Variants in C4orf36 observed in about 807,000 individuals in gnomAD.
C4orf36 encodes the protein chromosome 4 open reading frame 36, also known as uncharacterized protein C4orf36.
A neutral mutation model predicts 12.2 loss-of-function variants in C4orf36; 11 were observed. That is an observed-to-expected ratio of 0.90 (90% confidence interval 0.57 to 1.49). The LOEUF is 1.49. Ranked by LOEUF, C4orf36 falls within the 40% of genes most tolerant of loss-of-function variation. The pLI is 0.00. For missense variants in C4orf36, 137 were observed against 133.9 expected, an observed-to-expected ratio of 1.02 and a Z score of -0.11; for synonymous variants, 54 against 51.3, an observed-to-expected ratio of 1.05 and a Z score of -0.22.
intron 2 of C4orf36, 81 bp downstream of exon 2, chr4:86,891,375 G>A (rs564125263): frequency 3.9e-6 from 5 of 1,294,870 alleles, no homozygotes; most frequent in Middle Eastern, 1.8e-4. Flanking sequence ...AGCACAGAGT[G>A]TCCAGTCCTT....
chr4:86,935,479 A>G, the C4orf36 span: 1 of 152,560 alleles, frequency 6.6e-6, no homozygotes. Flanking sequence ...GTAGAAAAAC[A>G]GGGGACGGGG....
At chr4:86,878,051 T>C (rs1309902623) in intron 4 of C4orf36, among the ~76,000 whole-genome samples, 2 of 152,116 alleles carry the variant, frequency 1.3e-5, no homozygotes, top group Non-Finnish European at 2.9e-5. Context: ...TCTTGCATGT[T>C]TGAAATTTTC....
At chr4:86,900,997 T>C in the C4orf36 span, among the ~76,000 whole-genome samples, 3 of 151,912 alleles carry the variant, frequency 2.0e-5, no homozygotes, top group African/African-American at 7.3e-5. Context: ...TTTTTTTTTT[T>C]TTTTTGACAT....
At chr4:86,894,149 G>C (rs796744807), upstream of C4orf36, among the ~76,000 whole-genome samples, 1 of 151,970 alleles carries the variant, frequency 6.6e-6, no homozygotes, top group Non-Finnish European at 1.5e-5. Flanking sequence ...CGCCCACCTC[G>C]GCCTCCCAAA....
chr4:86,905,865 C>A, the C4orf36 span, among the ~76,000 whole-genome samples: 2 of 152,246 alleles, frequency 1.3e-5, no homozygotes, highest in Non-Finnish European at 2.9e-5. Flanking sequence ...CAGGCACCCA[C>A]CATCACGCCC....
At chr4:86,891,926 T>C in intron 1 of C4orf36, 1 of 916,794 alleles carries the variant, frequency 1.1e-6, no homozygotes, top group Non-Finnish European at 1.3e-6. Context: ...CCAAAGGCTC[T>C]GCCTGCACAG....
At position 86,889,045 on chromosome 4, in the gene C4orf36, A is replaced by T. The variant is rs530602378; in HGVS notation, c.66-770T>A. On this transcript the variant is annotated intron_variant, in intron 2 of 4. Transcript: ENST00000295898. Reference sequence around the variant, plus strand: ...AAGTGTTGAAGTGTCATTCGTTTAAACAAACAAACAAAAAAACATGGAGGC... The same window carrying T: ...AAGTGTTGAAGTGTCATTCGTTTAATCAAACAAACAAAAAAACATGGAGGC... 2.4e-4 allele frequency among the ~76,000 whole-genome samples: 37 copies of T among 151,554 alleles called. No homozygotes were observed. In the South Asian group the frequency reaches 7.1e-3, roughly 29 times the overall value.
the C4orf36 span, chr4:86,933,059 T>C: frequency 6.6e-6 from 1 of 152,190 alleles, no homozygotes; most frequent in African/African-American, 2.4e-5. Flanking sequence ...AAAGTAGATA[T>C]AGTGTAATCA....
At chr4:86,878,411 A>G (rs901933846) in intron 4 of C4orf36, among the ~76,000 whole-genome samples, 1 of 152,358 alleles carries the variant, frequency 6.6e-6, no homozygotes, top group Non-Finnish European at 1.5e-5. Context: ...TTGCAGAGTG[A>G]TATCAGTAAG....
the C4orf36 span, among the ~76,000 whole-genome samples, chr4:86,922,258 A>G: frequency 6.6e-6 from 1 of 152,238 alleles, no homozygotes; most frequent in South Asian, 2.1e-4. Flanking sequence ...TTAGTTTTCT[A>G]CAACTTTCAG....
upstream of C4orf36, among the ~76,000 whole-genome samples, chr4:86,896,684 T>C (rs1747596996): frequency 6.6e-6 from 1 of 152,220 alleles, no homozygotes; most frequent in South Asian, 2.1e-4. Context: ...TTCTCACTAA[T>C]GTAACTATCA....
the C4orf36 span, among the ~76,000 whole-genome samples, chr4:86,908,329 G>C: frequency 6.6e-6 from 1 of 152,150 alleles, no homozygotes; most frequent in South Asian, 2.1e-4. Context: ...TGAGTGAACT[G>C]CTGAGTAGAT....
the C4orf36 span, chr4:86,924,663 T>G: frequency 6.6e-6 from 1 of 152,188 alleles, no homozygotes; most frequent in African/African-American, 2.4e-5. Context: ...CTTAAAGCAG[T>G]ATGAATTTCT....
At chr4:86,906,145 C>T in the C4orf36 span, among the ~76,000 whole-genome samples, 1 of 152,160 alleles carries the variant, frequency 6.6e-6, no homozygotes, top group Non-Finnish European at 1.5e-5. Flanking sequence ...ACCTTCAGAA[C>T]TCAGCCATTT....
In C4orf36 at chr4:86,876,434, G is replaced by A; in HGVS notation, c.*12C>T. The A allele has an allele frequency of 1.2e-6, 2 of 1,613,412 alleles. No homozygotes were observed. The highest frequency in any genetic ancestry group is 2.2e-5 in the East Asian group (1 of 44,864). The stretch of plus-strand genomic sequence containing the variant: ...TGCTGAGTTTCTTCATCTACAATCC[G>A]CGCTTCAGGCTGCGCAAAGGAGAGG... On this transcript the variant is annotated 3_prime_UTR_variant, in exon 5 of 5. Coordinates refer to ENST00000295898, the MANE Select transcript of C4orf36 (RefSeq NM_144645.4).
At chr4:86,919,119 G>GGAGAGAGAGAGAGAGAGAGA in the C4orf36 span, among the ~76,000 whole-genome samples, 27 of 145,350 alleles carry the variant, frequency 1.9e-4, no homozygotes, top group African/African-American at 6.7e-4. Flanking sequence ...CCCAGCTCCA[G>GGAGAGAGAGAGAGAGAGAGA]GAGAGAGAGA....
the C4orf36 span, among the ~76,000 whole-genome samples, chr4:86,908,032 G>T: frequency 6.6e-6 from 1 of 151,892 alleles, no homozygotes; most frequent in African/African-American, 2.4e-5. Context: ...CCAGTGGGAG[G>T]GCCACAACAC....
chr4:86,907,450 A>G, the C4orf36 span, among the ~76,000 whole-genome samples: 2 of 152,310 alleles, frequency 1.3e-5, no homozygotes, highest in African/African-American at 2.4e-5. Context: ...CCAAACCCCC[A>G]TGACACATGT....
the C4orf36 span, among the ~76,000 whole-genome samples, chr4:86,921,059 AGAGGCT>A: frequency 6.6e-6 from 1 of 151,836 alleles, no homozygotes; most frequent in Admixed American, 6.6e-5. Flanking sequence ...CAGCTACTCC[AGAGGCT>A]GAGGCAGGAT....
Sources: allele counts gnomAD v4.1 joint callset (sites outside exome capture counted in the v4.1 genomes callset), GRCh38; gene constraint gnomAD v4.1.1; transcripts MANE v1.5; gene names NCBI Gene and HGNC (gene_info 2026-07-23, HGNC 2026-07-21).